Variants in RPSA2 observed in about 807,000 individuals in gnomAD.
RPSA2 encodes the protein ribosomal protein SA 2, also known as small ribosomal subunit protein uS2B.
chr19:23,861,325 G>T, the RPSA2 span, among the ~76,000 whole-genome samples: 1 of 152,106 alleles, frequency 6.6e-6, no homozygotes, highest in Admixed American at 6.5e-5. Flanking sequence ...ATGAGTCCTT[G>T]AACAGGGTTC....
chr19:23,758,824 G>A, the RPSA2 span: 1 of 1,595,954 alleles, frequency 6.3e-7, no homozygotes, highest in Non-Finnish European at 8.6e-7. Flanking sequence ...CATAGAGGCT[G>A]GGCCTCTAGA....
At chr19:23,863,346 C>T in the RPSA2 span, among the ~76,000 whole-genome samples, 1 of 152,030 alleles carries the variant, frequency 6.6e-6, no homozygotes, top group African/African-American at 2.4e-5. Context: ...GGTGGATCAC[C>T]TAAGGTCAAG....
At chr19:23,761,909 T>TC in the RPSA2 span, among the ~76,000 whole-genome samples, 1 of 37,382 alleles carries the variant, frequency 2.7e-5, no homozygotes, top group Admixed American at 3.3e-4. Context: ...TAATTCTTTC[T>TC]TTCTTTCTTT....
the RPSA2 span, among the ~76,000 whole-genome samples, chr19:23,813,730 C>CTTTTT: frequency 2.6e-4 from 35 of 136,766 alleles, 11 homozygotes; most frequent in East Asian, 6.6e-4. Flanking sequence ...ACACGGGTTT[C>CTTTTT]TTTTTTTTTT....
chr19:23,774,504 G>A, the RPSA2 span, among the ~76,000 whole-genome samples: 10 of 152,154 alleles, frequency 6.6e-5, no homozygotes, highest in Admixed American at 1.3e-4. Flanking sequence ...TTACTGTTTT[G>A]CCTGGGCCTG....
At chr19:23,826,993 A>G in the RPSA2 span, 1 of 626,646 alleles carries the variant, frequency 1.6e-6, no homozygotes, top group African/African-American at 1.8e-5. Context: ...CCTGGGAAGA[A>G]TTTTTATATT....
At chr19:23,809,319 T>A in the RPSA2 span, 1 of 151,630 alleles carries the variant, frequency 6.6e-6, no homozygotes, top group African/African-American at 2.4e-5. Context: ...TGCTTTGTTC[T>A]TTTTTCTTAA....
chr19:23,834,237 ATTCAAAT>A, the RPSA2 span, among the ~76,000 whole-genome samples: 1 of 152,068 alleles, frequency 6.6e-6, no homozygotes, highest in South Asian at 2.1e-4. Flanking sequence ...TTATAATTAC[ATTCAAAT>A]TATACTTTTT....
the RPSA2 span, among the ~76,000 whole-genome samples, chr19:23,810,001 G>A: frequency 6.6e-6 from 1 of 151,984 alleles, no homozygotes; most frequent in African/African-American, 2.4e-5. Flanking sequence ...CCCCCAATGT[G>A]ATAGAATGCC....
the RPSA2 span, chr19:23,759,005 T>C: frequency 1.8e-6 from 1 of 568,320 alleles, no homozygotes; most frequent in Non-Finnish European, 3.1e-6. Context: ...ACCCCTCAGG[T>C]CCTGAGTGAC....
chr19:23,772,974 C>T, the RPSA2 span, among the ~76,000 whole-genome samples: 1 of 152,112 alleles, frequency 6.6e-6, no homozygotes, highest in Non-Finnish European at 1.5e-5. Context: ...CTGGATAAAG[C>T]CATTGAGTAG....
chr19:23,862,941 G>T, the RPSA2 span, among the ~76,000 whole-genome samples: 1 of 146,964 alleles, frequency 6.8e-6, no homozygotes, highest in African/African-American at 2.6e-5. Flanking sequence ...GTTTTGCTCT[G>T]TTGTCAGGCT....
the RPSA2 span, among the ~76,000 whole-genome samples, chr19:23,857,813 A>T: frequency 6.4e-4 from 97 of 152,072 alleles, no homozygotes; most frequent in Admixed American, 1.2e-3. Context: ...AAGTCTTATA[A>T]AGTCATTTCA....
chr19:23,824,583 T>TC, the RPSA2 span, among the ~76,000 whole-genome samples: 88 of 111,004 alleles, frequency 7.9e-4, 14 homozygotes, highest in African/African-American at 1.4e-3. Flanking sequence ...AGCATTTCTT[T>TC]TTTTTTTTTT....
chr19:23,761,929 T>TCTTTCTTTCTTTCTTTCTTTCTTTC, the RPSA2 span, among the ~76,000 whole-genome samples: 1 of 80,546 alleles, frequency 1.2e-5, no homozygotes, highest in African/African-American at 5.2e-5. Context: ...TCTTTTTTTT[T>TCTTTCTTTCTTTCTTTCTTTCTTTC]TTTTTTGAGA....
At chr19:23,759,713 G>A in the RPSA2 span, among the ~76,000 whole-genome samples, 3 of 151,528 alleles carry the variant, frequency 2.0e-5, no homozygotes, top group Admixed American at 2.0e-4. Flanking sequence ...TAGTAGAGAC[G>A]GGGTTTCACT....
At chr19:23,816,985 G>A in the RPSA2 span, among the ~76,000 whole-genome samples, 1 of 149,948 alleles carries the variant, frequency 6.7e-6, no homozygotes, top group African/African-American at 2.5e-5. Context: ...TTTAAAAAAT[G>A]GAGTTTACAT....
chr19:23,835,164 T>A, the RPSA2 span, among the ~76,000 whole-genome samples: 1 of 151,770 alleles, frequency 6.6e-6, no homozygotes, highest in Non-Finnish European at 1.5e-5. Context: ...TACAAACATG[T>A]AAAATCCATA....
chr19:23,819,168 CTTTTACTTTCCTGATGAT>C, the RPSA2 span: 1 of 152,152 alleles, frequency 6.6e-6, no homozygotes, highest in Admixed American at 6.5e-5. Flanking sequence ...TTTCTAACCA[CTTTTACTTTCCTGATGAT>C]GCCTCGAGCT....
Sources: allele counts gnomAD v4.1 joint callset (sites outside exome capture counted in the v4.1 genomes callset), GRCh38; gene constraint gnomAD v4.1.1; transcripts MANE v1.5; gene names NCBI Gene and HGNC (gene_info 2026-07-23, HGNC 2026-07-21).